Variants in RSBN1L observed in about 807,000 individuals in gnomAD.
RSBN1L encodes the protein lysine-specific demethylase RSBN1L.
Under a neutral mutation model 67.7 loss-of-function variants are expected in RSBN1L, and 30 were observed. That is an observed-to-expected ratio of 0.44 (90% CI 0.33 to 0.60). The LOEUF (loss-of-function observed/expected upper bound fraction) is 0.60, where lower values mean the gene tolerates loss of function less well. Ranked by LOEUF, RSBN1L falls within the 20% of genes least tolerant of loss-of-function variation. The pLI, the probability that RSBN1L is intolerant of heterozygous loss-of-function variation, is 0.02. For synonymous variants in RSBN1L, 433 were observed against 387.0 expected, an observed-to-expected ratio of 1.12 and a Z score of -1.39; for missense variants, 992 against 1,031.7, an observed-to-expected ratio of 0.96 and a Z score of 0.53.
chr7:77,771,890 C>T (rs1791854717), intron 5 of RSBN1L, among the ~76,000 whole-genome samples: 1 of 151,740 alleles, frequency 6.6e-6, no homozygotes, highest in Non-Finnish European at 1.5e-5. Flanking sequence ...CTTCTCAGAA[C>T]AATACAGATA....
Position 77,763,149 on chromosome 7 carries a change from CTTTTTT to C in RSBN1L, c.1345-2331_1345-2326del, listed in dbSNP as rs11440608. Among the ~76,000 whole-genome samples the C allele has an allele frequency of 3.8e-4, 48 of 126,942 alleles. No individual in the cohort carries two copies. The South Asian group carries it at 5.7e-3, about 15-fold the overall frequency. The allele number at this position is 126,942 out of a possible 152,430, so 83.3% of individuals were successfully genotyped here. ...TGAGGTGGAAATATATATAATTTGACTTTTTTTTTTTTTTTTTTTTGGTCTCGCTGT... is the reference window on the plus strand; with the variant it reads ...TGAGGTGGAAATATATATAATTTGACTTTTTTTTTTTTTTGGTCTCGCTGT... On this transcript the variant is annotated intron_variant, in intron 3 of 7. Coordinates refer to ENST00000334955, the MANE Select transcript of RSBN1L (RefSeq NM_198467.3).
chr7:77,737,024 CT>C (rs965023053), intron 2 of RSBN1L, among the ~76,000 whole-genome samples: 13 of 150,874 alleles, frequency 8.6e-5, no homozygotes, highest in Non-Finnish European at 1.9e-4. Flanking sequence ...TTGTTTTATT[CT>C]TTTTTTTCTC....
intron 4 of RSBN1L, among the ~76,000 whole-genome samples, chr7:77,767,139 GGCTA>G (rs1005970866): frequency 5.5e-5 from 8 of 145,296 alleles, no homozygotes; most frequent in African/African-American, 7.7e-5. Context: ...ATGTTGCCCA[GGCTA>G]GCTTTGAAGT....
intron 1 of RSBN1L, among the ~76,000 whole-genome samples, chr7:77,706,059 C>T (rs1290935840): frequency 6.0e-5 from 9 of 151,094 alleles, no homozygotes; most frequent in East Asian, 1.9e-4. Flanking sequence ...CCACCATGCC[C>T]GCCTAACTTT....
intron 2 of RSBN1L, among the ~76,000 whole-genome samples, chr7:77,745,678 T>C (rs1791472913): frequency 6.6e-6 from 1 of 152,248 alleles, no homozygotes; most frequent in African/African-American, 2.4e-5. Context: ...AGTGATTCCA[T>C]GGACAGATGG....
At chr7:77,703,813 G>A (rs555075136) in intron 1 of RSBN1L, among the ~76,000 whole-genome samples, 1 of 151,986 alleles carries the variant, frequency 6.6e-6, no homozygotes, top group Non-Finnish European at 1.5e-5. Context: ...TTAAGAGACA[G>A]GAATCTTGCT....
At chr7:77,777,256 TTAAAG>T (rs1173425290) in intron 6 of RSBN1L, among the ~76,000 whole-genome samples, 3 of 152,134 alleles carry the variant, frequency 2.0e-5, no homozygotes, top group African/African-American at 7.2e-5. Flanking sequence ...TTATTTTGCT[TTAAAG>T]AATCATTTCT....
At chr7:77,724,224 T>C (rs879716836) in intron 1 of RSBN1L, among the ~76,000 whole-genome samples, 18 of 152,262 alleles carry the variant, frequency 1.2e-4, no homozygotes, top group Admixed American at 7.2e-4. Flanking sequence ...TTAATGTGTT[T>C]ATGTGAGTAC....
rs765983619 is a variant in RSBN1L, at chr7:77,778,998, G to A, written c.2371G>A (p.Asp791Asn). 4 of 1,613,926 alleles carry A rather than the reference G, an allele frequency of 2.5e-6. No homozygotes were observed. Among genetic ancestry groups the A allele is most frequent in the African/African-American group, 1.3e-5 (1 of 75,006 alleles). The part of the protein sequence containing the change: ...MDGKNVKAKL[D>N]HVQFAEFKID... Reference sequence around the variant, plus strand: ...TGGCAAGAATGTTAAAGCAAAATTGGATCATGTTCAATTTGCAGAATTTAA... The same window carrying A: ...TGGCAAGAATGTTAAAGCAAAATTGAATCATGTTCAATTTGCAGAATTTAA... Residue 791 changes from aspartate to asparagine, a missense_variant, in exon 8 of 8, where the codon GAT becomes AAT. This residue lies in a region of RSBN1L where 199 missense variants were observed against 167.7 expected (regional missense o/e 1.19). Transcript: ENST00000334955.
rs191636768 is a variant in RSBN1L, at chr7:77,782,190, A to G, written c.*3022A>G. On this transcript the variant is annotated 3_prime_UTR_variant, in exon 8 of 8. Transcript: ENST00000334955. ...TCTATTTTAATATTGCATTATATTA[A>G]TGGTTTCATAGTACATTCCAGTTCT... 9.9e-5 allele frequency: 15 copies of G among 152,268 alleles called. No individual in the cohort carries two copies. The East Asian group carries it at 2.7e-3, about 27-fold the overall frequency. The allele number at this position is 152,268 out of a possible 1,614,324, so 9.4% of individuals were successfully genotyped here. A position where few individuals can be genotyped will look rare whatever the true frequency, so the allele number is the denominator to read the frequency against.
intron 3 of RSBN1L, among the ~76,000 whole-genome samples, chr7:77,753,027 CCA>C (rs1791573970): frequency 1.3e-5 from 2 of 152,124 alleles, no homozygotes; most frequent in Admixed American, 1.3e-4. Flanking sequence ...TGTTAATATA[CCA>C]CAGTTTGTTG....
At chr7:77,742,360 A>G (rs1459165313) in intron 2 of RSBN1L, among the ~76,000 whole-genome samples, 1 of 152,214 alleles carries the variant, frequency 6.6e-6, no homozygotes, top group Admixed American at 6.5e-5. Context: ...ATGTTGTCAC[A>G]TGTGATGTGC....
In RSBN1L at chr7:77,778,979, G is replaced by C; in HGVS notation, c.2352G>C (p.Lys784Asn). The change falls in exon 8 of 8, where the codon AAG (lysine) becomes AAC (asparagine). Residue 784 changes from lysine (K) to asparagine (N), a missense_variant. Around this residue, in one of 7 missense-constraint regions of RSBN1L, gnomAD observed 199 missense variants for 167.7 expected, o/e 1.19. Coordinates refer to ENST00000334955, the MANE Select transcript of RSBN1L (RefSeq NM_198467.3). ...CAGCACTGAATAATATGGATGGCAA[G>C]AATGTTAAAGCAAAATTGGATCATG... ...KTTALNNMDGKNVKAKLDHVQ... is the reference protein window; with the variant it reads ...KTTALNNMDGNNVKAKLDHVQ... 1 of 1,614,014 alleles carries C rather than the reference G, an allele frequency of 6.2e-7. No homozygotes were observed. Among genetic ancestry groups the C allele is most frequent in the Non-Finnish European group, 8.5e-7 (1 of 1,179,934 alleles).
intron 1 of RSBN1L, among the ~76,000 whole-genome samples, chr7:77,721,409 A>G (rs1186941571): frequency 1.3e-5 from 2 of 152,316 alleles, no homozygotes; most frequent in African/African-American, 4.8e-5. Context: ...GCAAGATATG[A>G]TAATTGCAAA....
intron 1 of RSBN1L, among the ~76,000 whole-genome samples, chr7:77,733,924 C>T (rs1214731558): frequency 2.0e-5 from 3 of 152,138 alleles, no homozygotes; most frequent in South Asian, 2.1e-4. Context: ...GTTAGGAGTT[C>T]GAGACCAGCC....
At position 77,698,821 on chromosome 7, in the gene RSBN1L, C is replaced by G. The variant is rs967913488; in HGVS notation, c.586+1766C>G. 2.6e-5 allele frequency among the ~76,000 whole-genome samples: 4 copies of G among 151,852 alleles called. No homozygotes were observed. The East Asian group carries it at 7.7e-4, about 29-fold the overall frequency. ...TGTAAGATTTTCATTTTTTCAGACA[C>G]AAATGCTATCTTGTTGAGGAAAAAC... On this transcript the variant is annotated intron_variant, in intron 1 of 7. Coordinates refer to ENST00000334955, the MANE Select transcript of RSBN1L (RefSeq NM_198467.3).
chr7:77,775,757 T>TA (rs1791904908), intron 6 of RSBN1L, among the ~76,000 whole-genome samples: 1 of 152,190 alleles, frequency 6.6e-6, no homozygotes, highest in African/African-American at 2.4e-5. Flanking sequence ...ATGTCCACTT[T>TA]AAAAAATGTG....
intron 1 of RSBN1L, among the ~76,000 whole-genome samples, chr7:77,698,760 G>C (rs1038654717): frequency 1.4e-4 from 22 of 152,156 alleles, no homozygotes; most frequent in Admixed American, 6.5e-5. Context: ...TGACCTATGT[G>C]GGTTTTTTGG....
In RSBN1L at chr7:77,722,998, C is replaced by T. The variant is rs192208374; in HGVS notation, c.587-13412C>T. ...TTTTTTTTTTTTTGAGACAGAGTTTCGCTTTGTTACCCAGGCTGGAGTACA... is the reference window on the plus strand; with the variant it reads ...TTTTTTTTTTTTTGAGACAGAGTTTTGCTTTGTTACCCAGGCTGGAGTACA... On this transcript the variant is annotated intron_variant, in intron 1 of 7. Coordinates refer to ENST00000334955, the MANE Select transcript of RSBN1L (RefSeq NM_198467.3). Among the ~76,000 whole-genome samples, 924 of 125,540 alleles carry T rather than the reference C, an allele frequency of 7.4e-3. 5 individuals are homozygous for T. Among genetic ancestry groups the T allele is most frequent in the Middle Eastern group, 0.056 (11 of 196 alleles). The allele number at this position is 125,540 out of a possible 152,430, so 82.4% of individuals were successfully genotyped here. A position where few individuals can be genotyped will look rare whatever the true frequency, so the allele number is the denominator to read the frequency against.
Sources: allele counts gnomAD v4.1 joint callset (sites outside exome capture counted in the v4.1 genomes callset), GRCh38; gene constraint gnomAD v4.1.1; regional missense constraint gnomAD v4.1.1; transcripts MANE v1.5; gene names NCBI Gene and HGNC (gene_info 2026-07-23, HGNC 2026-07-21).